Variants in CACNA1H observed in about 807,000 individuals in gnomAD.
The protein encoded by CACNA1H is calcium voltage-gated channel subunit alpha1 H, also known as voltage-dependent T-type calcium channel subunit alpha-1H.
A neutral mutation model predicts 192.5 loss-of-function variants in CACNA1H; 149 were observed. That is an observed-to-expected ratio of 0.77 (90% confidence interval 0.68 to 0.89). The LOEUF (loss-of-function observed/expected upper bound fraction) is 0.89. Ranked by LOEUF, CACNA1H falls within the 40% of genes least tolerant of loss-of-function variation. The probability of loss-of-function intolerance (pLI) is 0.00; values close to 1 mark genes in which losing one functional copy is unlikely to be tolerated. For synonymous variants in CACNA1H, 2,202 were observed against 1,475.2 expected, an observed-to-expected ratio of 1.49 and a Z score of -11.29; for missense variants, 4,257 against 3,423.5, an observed-to-expected ratio of 1.24 and a Z score of -6.08.
chr16:1,170,842 T>C (rs767503344), intron 2 of CACNA1H, among the ~76,000 whole-genome samples: 5 of 152,174 alleles, frequency 3.3e-5, no homozygotes, highest in Admixed American at 6.5e-5. Context: ...CTTTTTGTTT[T>C]GGGTGCTGGC....
intron 22 of CACNA1H, 70 bp downstream of exon 22, chr16:1,211,364 C>T (rs1969425857): frequency 6.8e-6 from 11 of 1,607,824 alleles, no homozygotes; most frequent in Non-Finnish European, 9.4e-6. Flanking sequence ...GCGTGGCTCC[C>T]AGCAGCGCCG....
intron 9 of CACNA1H, among the ~76,000 whole-genome samples, 183 bp from the exon 10 acceptor site, chr16:1,203,827 C>A (rs1429467446): frequency 6.6e-6 from 1 of 152,230 alleles, no homozygotes; most frequent in Non-Finnish European, 1.5e-5. Context: ...CTCATTGTAA[C>A]CCATGACACC....
rs1967723771 is a variant in CACNA1H, at chr16:1,200,519, A to G, written c.1067A>G (p.Asn356Ser). 6.2e-6 allele frequency: 10 copies of G among 1,612,104 alleles called. No homozygotes were observed. The Admixed American group carries it at 1.5e-4, about 24-fold the overall frequency. ...CGCTCGGGTGACTCCAACCCCCACA[A>G]CGGTGCCATCAACTTCGACAACATC... ...VCRSGDSNPH[N>S]GAINFDNIGY... Residue 356 changes from asparagine (N) to serine (S), a missense_variant, in exon 7 of 35, where the codon AAC becomes AGC. Coordinates refer to ENST00000348261, the MANE Select transcript of CACNA1H (RefSeq NM_021098.3).
chr16:1,153,794 C>T lies in CACNA1H; in HGVS notation c.57C>T (p.Pro19=). 1 of 1,247,018 alleles carries T rather than the reference C, an allele frequency of 8.0e-7. No individual in the cohort carries two copies. Among genetic ancestry groups the T allele is most frequent in the Non-Finnish European group, 1.0e-6 (1 of 996,184 alleles). The allele number at this position is 1,247,018 out of a possible 1,614,324, so 77.2% of individuals were successfully genotyped here. ...TCCGGGTGCCCCTGGGCGCGCCGCC[C>T]CCTGGCCCTGCGGCGTTGGTGGGGG... ...DEVRVPLGAP[P]PGPAALVGAS... The change falls in exon 2 of 35, where the codon CCC becomes CCT. Residue 19 remains proline, a synonymous_variant. Transcript: ENST00000348261.
chr16:1,212,158 G>A lies in CACNA1H; in HGVS notation c.4759+20G>A, dbSNP rs781461990. The A allele has an allele frequency of 8.0e-5, 127 of 1,591,726 alleles. No individual in the cohort carries two copies. The highest frequency in any genetic ancestry group is 9.8e-5 in the Non-Finnish European group (115 of 1,175,876). On this transcript the variant is annotated intron_variant, in intron 25 of 34. Transcript: ENST00000348261. ...GCAGGAGTAAGGCGCTCCCGGTGGCGGTGGCGGTGGCGGGTCGGTACCTGT... is the reference window on the plus strand; with the variant it reads ...GCAGGAGTAAGGCGCTCCCGGTGGCAGTGGCGGTGGCGGGTCGGTACCTGT...
At chr16:1,160,338 A>G (rs1051688199) in intron 2 of CACNA1H, among the ~76,000 whole-genome samples, 1 of 152,106 alleles carries the variant, frequency 6.6e-6, no homozygotes, top group Non-Finnish European at 1.5e-5. Context: ...TCCAGGGTGG[A>G]GATTAAGGAG....
chr16:1,189,437 T>C (rs13334274), intron 2 of CACNA1H, among the ~76,000 whole-genome samples: 1 of 126,650 alleles, frequency 7.9e-6, no homozygotes, highest in African/African-American at 3.1e-5. Context: ...TTTTTTTTGA[T>C]ATGGGGTCTT....
chr16:1,194,960 C>T lies in CACNA1H; in HGVS notation c.300-12C>T, dbSNP rs763023517. The T allele has an allele frequency of 1.0e-5, 16 of 1,600,640 alleles. No individual in the cohort carries two copies. Among genetic ancestry groups the T allele is most frequent in the African/African-American group, 2.7e-5 (2 of 74,798 alleles). On this transcript the variant is annotated splice_polypyrimidine_tract_variant and intron_variant, in intron 2 of 34. Transcript: ENST00000348261. ...GGGCCGCGCCGGTGTGCTCCTTAAC[C>T]CGCGGCGACACATGGTTCGAGCACG...
In CACNA1H at chr16:1,198,769, T is replaced by C; in HGVS notation, c.798T>C (p.Phe266=). The part of the protein sequence containing the change: ...LRNRCFLDSA[F]VRNNNLTFLR... ...ACCGCTGCTTCCTGGACAGTGCCTT[T>C]GTCAGGTGCCCAGGCCCCACCCCCG... The change falls in exon 6 of 35, where the codon TTT becomes TTC. Residue 266 remains phenylalanine, a synonymous_variant. Coordinates refer to ENST00000348261, the MANE Select transcript of CACNA1H (RefSeq NM_021098.3). 1 of 1,610,538 alleles carries C rather than the reference T, an allele frequency of 6.2e-7. No homozygotes were observed. The highest frequency in any genetic ancestry group is 8.5e-7 in the Non-Finnish European group (1 of 1,178,938).
chr16:1,216,525 GC>G (rs1970040663), intron 30 of CACNA1H, among the ~76,000 whole-genome samples: 1 of 152,236 alleles, frequency 6.6e-6, no homozygotes, highest in Non-Finnish European at 1.5e-5. Flanking sequence ...GCTGGCCTGG[GC>G]CCCGCCATGG....
In CACNA1H at chr16:1,167,791, G is replaced by T. The variant is rs1386818850; in HGVS notation, c.299+13755G>T. Among the ~76,000 whole-genome samples, 1 of 152,216 alleles carries T rather than the reference G, an allele frequency of 6.6e-6. No individual in the cohort carries two copies. ...AGACACGGGAAACGGGACACCTGGA[G>T]CTGTGGCGCTGGTGTGTGCTTAGAA... On this transcript the variant is annotated intron_variant, in intron 2 of 34. Transcript: ENST00000348261. This position sits in a 1 kb window ranked among gnomAD's most constrained non-coding sequence, Gnocchi z 4.2.
In CACNA1H at chr16:1,205,224, G is replaced by A. The variant is rs374253301; in HGVS notation, c.2562G>A (p.Arg854=). The change falls in exon 11 of 35, where the codon CGG becomes CGA. Residue 854 remains arginine (R), a synonymous_variant. Coordinates refer to ENST00000348261, the MANE Select transcript of CACNA1H (RefSeq NM_021098.3). ...CCTGCGGCCCTCTGGGCTACATCCG[G>A]AACCCGTACAACATCTTCGACGGCA... ...LLACGPLGYI[R]NPYNIFDGII... is the part of the protein sequence containing the mutation. 23 of 1,612,816 alleles carry A rather than the reference G, an allele frequency of 1.4e-5. No homozygotes were observed. The highest frequency in any genetic ancestry group is 1.8e-5 in the Non-Finnish European group (21 of 1,179,614).
intron 6 of CACNA1H, among the ~76,000 whole-genome samples, chr16:1,199,836 C>T (rs115245112): frequency 0.011 from 1,740 of 152,174 alleles, 24 homozygotes; most frequent in African/African-American, 0.039. Context: ...GGCTTCCCTC[C>T]CCTCGTCCCT....
intron 8 of CACNA1H, among the ~76,000 whole-genome samples, chr16:1,201,240 A>C (rs1429804393): frequency 6.6e-6 from 1 of 152,160 alleles, no homozygotes; most frequent in Non-Finnish European, 1.5e-5. Context: ...TAACAGAAGC[A>C]GACAGACGTC....
At chr16:1,201,552 C>T in intron 8 of CACNA1H, 111 bp from the exon 9 acceptor site, 2 of 1,322,208 alleles carry the variant, frequency 1.5e-6, no homozygotes, top group East Asian at 5.1e-5. Flanking sequence ...GCACCTCGCC[C>T]ACTGTGCCTG....
At chr16:1,185,209 T>C (rs1429625263) in intron 2 of CACNA1H, among the ~76,000 whole-genome samples, 2 of 152,334 alleles carry the variant, frequency 1.3e-5, no homozygotes, top group East Asian at 1.9e-4. Context: ...CTGAGTAATA[T>C]TCCAGCGTGT....
rs1204176241 is a variant in CACNA1H, at chr16:1,217,019, C to T, written c.5323+9C>T. On this transcript the variant is annotated intron_variant, in intron 31 of 34. Transcript: ENST00000348261. ...GCTGTTCGGGAGGCTGGGTGAGTGGCTCCTGCGCCCTCCTCCTGGCACACA... is the reference window on the plus strand; with the variant it reads ...GCTGTTCGGGAGGCTGGGTGAGTGGTTCCTGCGCCCTCCTCCTGGCACACA... 3 of 1,576,728 alleles carry T rather than the reference C, an allele frequency of 1.9e-6. No homozygotes were observed. Among genetic ancestry groups the T allele is most frequent in the Non-Finnish European group, 2.6e-6 (3 of 1,160,552 alleles).
At chr16:1,189,663 T>C (rs1016187041) in intron 2 of CACNA1H, among the ~76,000 whole-genome samples, 3 of 152,020 alleles carry the variant, frequency 2.0e-5, no homozygotes, top group African/African-American at 7.2e-5. Context: ...TTCCAAATGA[T>C]CCTCCTGCCT....
chr16:1,178,902 C>G (rs746997919), intron 2 of CACNA1H, among the ~76,000 whole-genome samples: 2 of 152,140 alleles, frequency 1.3e-5, no homozygotes, highest in Non-Finnish European at 2.9e-5. Context: ...GGTGGCCCCG[C>G]GCCCTTGCCA....
Sources: allele counts gnomAD v4.1 joint callset (sites outside exome capture counted in the v4.1 genomes callset), GRCh38; gene constraint gnomAD v4.1.1; non-coding constraint Gnocchi (gnomAD v3.1); transcripts MANE v1.5; gene names NCBI Gene and HGNC (gene_info 2026-07-23, HGNC 2026-07-21).